HDHD5: variants seen among roughly 807,000 people sequenced by gnomAD.
HDHD5 encodes haloacid dehalogenase-like hydrolase domain-containing 5.
A neutral mutation model predicts 35.5 loss-of-function variants in HDHD5; 34 were observed. The observed-to-expected ratio is 0.96, with a 90% CI of 0.73 to 1.28. The LOEUF (loss-of-function observed/expected upper bound fraction) is 1.28. Ranked by LOEUF, HDHD5 falls within the 50% of genes most tolerant of loss-of-function variation. The pLI is 0.00. For missense variants in HDHD5, 589 were observed against 560.2 expected (o/e 1.05, Z -0.52); for synonymous variants, 248 against 240.6 (o/e 1.03, Z -0.29).
chr22:17,141,761 A>C, intron 5 of HDHD5: 1 of 203,844 alleles, frequency 4.9e-6, no homozygotes, highest in Non-Finnish European at 8.7e-6. Context: ...CAACTACATA[A>C]CAGCAACAGC....
Position 17,138,534 on chromosome 22 carries a change from G to A in HDHD5, c.935+16C>T, listed in dbSNP as rs1304982905. 2 of 1,610,992 alleles carry A rather than the reference G, an allele frequency of 1.2e-6. No individual in the cohort carries two copies. The highest frequency in any genetic ancestry group is 3.4e-5 in the Admixed American group (2 of 59,686). On this transcript the variant is annotated intron_variant, in intron 7 of 7. Coordinates refer to ENST00000336737, the MANE Select transcript of HDHD5 (RefSeq NM_033070.3). ...GGATGTCATAAAAGGGACAAAGGAGGGAGAGCAGAGCCTACCCCACAGCAT... is the reference window on the plus strand; with the variant it reads ...GGATGTCATAAAAGGGACAAAGGAGAGAGAGCAGAGCCTACCCCACAGCAT...
intron 1 of HDHD5, among the ~76,000 whole-genome samples, chr22:17,155,713 G>A (rs2061782229): frequency 1.3e-5 from 2 of 152,158 alleles, no homozygotes; most frequent in African/African-American, 2.4e-5. Context: ...CATAAAAAGT[G>A]AAGGTGTACA....
At chr22:17,154,573 T>G (rs536985928) in intron 1 of HDHD5, among the ~76,000 whole-genome samples, 1 of 151,686 alleles carries the variant, frequency 6.6e-6, no homozygotes, top group Non-Finnish European at 1.5e-5. Flanking sequence ...TGTTGTTAGG[T>G]ATGATACTGG....
rs2061708151 is a variant in HDHD5 at position 17,149,949 on chromosome 22, T to TTTTTAATCATTCGC, written c.127-218_127-205dup. Among the ~76,000 whole-genome samples, 3 of 152,206 alleles carry TTTTTAATCATTCGC rather than the reference T, an allele frequency of 2.0e-5. No individual in the cohort carries two copies. In the South Asian group the frequency reaches 6.2e-4, roughly 31 times the overall value. On this transcript the variant is annotated intron_variant, in intron 1 of 7. Transcript: ENST00000336737. ...AAAGAAAATATAATCCCAACACTTA[T>TTTTTAATCATTCGC]TTTTAATCATTCGCTTTTACAGAGT... is the stretch of plus-strand genomic sequence containing the variant.
At chr22:17,140,975 A>T in intron 6 of HDHD5, 84 bp downstream of exon 6, 6 of 1,311,256 alleles carry the variant, frequency 4.6e-6, no homozygotes, top group Non-Finnish European at 6.1e-6. Context: ...GGGTGTCAGG[A>T]CGGATGGGAA....
chr22:17,163,414 TC>T (rs1335044825), upstream of HDHD5, among the ~76,000 whole-genome samples: 5 of 152,104 alleles, frequency 3.3e-5, no homozygotes, highest in African/African-American at 9.7e-5. Context: ...TCTGATCAGC[TC>T]CCCAGGATGC....
chr22:17,139,655 C>A (rs2061577870), intron 6 of HDHD5, among the ~76,000 whole-genome samples: 1 of 152,234 alleles, frequency 6.6e-6, no homozygotes, highest in African/African-American at 2.4e-5. Context: ...CTCACTGCAA[C>A]CTCCACCCCC....
At chr22:17,145,587 G>T (rs1264743095) in intron 3 of HDHD5, among the ~76,000 whole-genome samples, 1 of 152,148 alleles carries the variant, frequency 6.6e-6, no homozygotes, top group Non-Finnish European at 1.5e-5. Flanking sequence ...GTCTACTCAG[G>T]AGGCTGGGGC....
At chr22:17,157,948 T>G (rs1423268525) in intron 1 of HDHD5, among the ~76,000 whole-genome samples, 2 of 152,214 alleles carry the variant, frequency 1.3e-5, no homozygotes, top group Non-Finnish European at 2.9e-5. Context: ...TCCTCGGAGT[T>G]GTTATAAAGA....
rs1479088859 is a variant in HDHD5, at chr22:17,159,141, A to T, written c.111T>A (p.Ala37=). Residue 37 remains alanine (A), a synonymous_variant, in exon 1 of 8, where the codon GCT becomes GCA. Transcript: ENST00000336737. The part of the protein sequence containing the change: ...LQGRPARRCY[A]VGPAQSPPTF... Reference sequence around the variant, plus strand: ...ACGTCCTCACCTGAGCGGGGCCCACAGCATAGCACCTGCGGGCGGGGCGGC... The same window carrying T: ...ACGTCCTCACCTGAGCGGGGCCCACTGCATAGCACCTGCGGGCGGGGCGGC... 3 of 1,233,808 alleles carry T rather than the reference A, an allele frequency of 2.4e-6. No homozygotes were observed. In the African/African-American group the frequency reaches 4.7e-5, roughly 19 times the overall value. The allele number at this position is 1,233,808 out of a possible 1,614,324, so 76.4% of individuals were successfully genotyped here.
chr22:17,158,342 G>A (rs1426175020), intron 1 of HDHD5: 1 of 152,162 alleles, frequency 6.6e-6, no homozygotes, highest in Non-Finnish European at 1.5e-5. Flanking sequence ...GGATTACTGT[G>A]AAATCCGTAT....
At chr22:17,153,821 T>C (rs1005325) in intron 1 of HDHD5, among the ~76,000 whole-genome samples, 133,547 of 151,972 alleles carry the variant, frequency 0.88, 58,835 homozygotes, top group African/African-American at 0.93. Flanking sequence ...GAGAAATAGA[T>C]ACTTCCCGAC....
At chr22:17,155,422 T>C (rs1164402430) in intron 1 of HDHD5, among the ~76,000 whole-genome samples, 1 of 152,118 alleles carries the variant, frequency 6.6e-6, no homozygotes, top group Non-Finnish European at 1.5e-5. Context: ...ATTTTTTATA[T>C]TTTTAGTAGA....
intron 4 of HDHD5, among the ~76,000 whole-genome samples, chr22:17,144,569 G>A (rs542833574): frequency 1.3e-5 from 2 of 152,076 alleles, no homozygotes; most frequent in African/African-American, 2.4e-5. Flanking sequence ...ATCCATCACT[G>A]TGCCCAGCTA....
chr22:17,157,604 G>C (rs2061813761), intron 1 of HDHD5, among the ~76,000 whole-genome samples: 1 of 152,150 alleles, frequency 6.6e-6, no homozygotes, highest in African/African-American at 2.4e-5. Flanking sequence ...AGATGCTAGA[G>C]CCAATACAAC....
upstream of HDHD5, among the ~76,000 whole-genome samples, chr22:17,162,530 A>G (rs1462610098): frequency 6.6e-6 from 1 of 152,162 alleles, no homozygotes; most frequent in Non-Finnish European, 1.5e-5. Flanking sequence ...GGAACCAGAA[A>G]TGGGCTGGGT....
At chr22:17,165,105 G>A in intron 1 of HDHD5, 1 of 710,128 alleles carries the variant, frequency 1.4e-6, no homozygotes, top group Non-Finnish European at 2.6e-6. Flanking sequence ...TCTCTGTAGG[G>A]AAGGGATACA....
intron 3 of HDHD5, 27 bp downstream of exon 3, chr22:17,148,420 TC>T (rs2061689076): frequency 3.2e-6 from 5 of 1,579,044 alleles, no homozygotes; most frequent in African/African-American, 1.3e-5. Context: ...CCCCTTCCCT[TC>T]AGCCAGAGTT....
intron 1 of HDHD5, among the ~76,000 whole-genome samples, chr22:17,152,702 A>G (rs2061741159): frequency 6.6e-6 from 1 of 152,124 alleles, no homozygotes. Flanking sequence ...AATGGACCAC[A>G]CAAGACCTGC....
Sources: allele counts gnomAD v4.1 joint callset (sites outside exome capture counted in the v4.1 genomes callset), GRCh38; gene constraint gnomAD v4.1.1; transcripts MANE v1.5; gene names NCBI Gene and HGNC (gene_info 2026-07-23, HGNC 2026-07-21).